Variants in FBXO22 observed in about 807,000 individuals in gnomAD.
The protein encoded by FBXO22 is F-box protein 22, also known as F-box only protein 22.
In FBXO22, 13 loss-of-function variants were observed where a neutral mutation model predicts 37.2. The observed-to-expected ratio is 0.35, with a 90% CI of 0.23 to 0.56. The LOEUF (loss-of-function observed/expected upper bound fraction) is 0.56. FBXO22 is among the 20% of genes least tolerant of loss of function. The pLI is 0.87. For missense variants in FBXO22, 446 were observed against 509.9 expected, an observed-to-expected ratio of 0.87 and a Z score of 1.21; for synonymous variants, 189 against 189.1, an observed-to-expected ratio of 1.00 and a Z score of 0.00.
chr15:75,930,363 C>G (rs954169648), intron 6 of FBXO22: 3 of 1,236,080 alleles, frequency 2.4e-6, no homozygotes, highest in Non-Finnish European at 3.1e-6. Context: ...CACCTCCTTT[C>G]TAGTTTCCTC....
intron 4 of FBXO22, among the ~76,000 whole-genome samples, chr15:75,914,550 G>A (rs1422009588): frequency 6.6e-6 from 1 of 152,032 alleles, no homozygotes; most frequent in Non-Finnish European, 1.5e-5. Flanking sequence ...GATGGGGCTG[G>A]GATTAGGAGC....
rs1234315221 is a variant in FBXO22 at position 75,938,131 on chromosome 15, C to T, written c.*5029C>T. ...CTGGGACAAAGCTGATTTGTAAAATCTAGGATTGCTCCTAGCATTCAAGGG... is the reference window on the plus strand; with the variant it reads ...CTGGGACAAAGCTGATTTGTAAAATTTAGGATTGCTCCTAGCATTCAAGGG... On this transcript the variant is annotated 3_prime_UTR_variant, in exon 7 of 7. Transcript: ENST00000308275. 1 of 152,150 alleles carries T rather than the reference C, an allele frequency of 6.6e-6. No homozygotes were observed. The highest frequency in any genetic ancestry group is 6.5e-5 in the Admixed American group (1 of 15,284). The allele number at this position is 152,150 out of a possible 1,614,324, so 9.4% of individuals were successfully genotyped here. A position where few individuals can be genotyped will look rare whatever the true frequency, so the allele number is the denominator to read the frequency against.
At chr15:75,920,879 T>C (rs1220364530) in intron 5 of FBXO22, among the ~76,000 whole-genome samples, 1 of 152,172 alleles carries the variant, frequency 6.6e-6, no homozygotes, top group African/African-American at 2.4e-5. Flanking sequence ...CATAACTGGA[T>C]GTAGATTCTG....
At position 75,940,891 on chromosome 15, in the gene FBXO22, G is replaced by A. The variant is rs1349180465; in HGVS notation, c.*7789G>A. 6.6e-6 allele frequency: 1 copy of A among 152,038 alleles called. No individual in the cohort carries two copies. The highest frequency in any genetic ancestry group is 1.5e-5 in the Non-Finnish European group (1 of 67,982). 9.4% of individuals were successfully genotyped at this position (152,038 alleles called of 1,614,324 possible). A position where few individuals can be genotyped will look rare whatever the true frequency, so the allele number is the denominator to read the frequency against. ...ATAAAACTCTTAGGATGTGGCAGTG[G>A]TTTCTTGGATATGACACCAAATTCA... is the stretch of plus-strand genomic sequence containing the variant. On this transcript the variant is annotated 3_prime_UTR_variant, in exon 7 of 7. Transcript: ENST00000308275.
intron 3 of FBXO22, 48 bp downstream of exon 3, chr15:75,913,338 C>T (rs1203719111): frequency 3.8e-6 from 5 of 1,322,612 alleles, no homozygotes; most frequent in Non-Finnish European, 4.3e-6. Flanking sequence ...TATCATGTGC[C>T]TTCCGTTCGG....
chr15:75,913,341 C>T (rs1490413130), intron 3 of FBXO22, 51 bp downstream of exon 3: 2 of 1,266,526 alleles, frequency 1.6e-6, no homozygotes, highest in Non-Finnish European at 2.3e-6. Flanking sequence ...CATGTGCCTT[C>T]CGTTCGGAGT....
At chr15:75,917,146 C>T (rs2141712824) in intron 4 of FBXO22, 84 bp from the exon 5 acceptor site, 93 of 965,346 alleles carry the variant, frequency 9.6e-5, no homozygotes, top group Admixed American at 3.3e-4. Flanking sequence ...GGCTTGTTAG[C>T]TTAATGATTA....
Position 75,940,455 on chromosome 15 carries a change from T to G in FBXO22, c.*7353T>G. Reference sequence around the variant, plus strand: ...ACAGTCTCTATCAGAATCCTAGGATTTTTTTTTTTTTTTTTGCAGAAATAG... The same window carrying G: ...ACAGTCTCTATCAGAATCCTAGGATGTTTTTTTTTTTTTTTGCAGAAATAG... On this transcript the variant is annotated 3_prime_UTR_variant, in exon 7 of 7. Coordinates refer to ENST00000308275, the MANE Select transcript of FBXO22 (RefSeq NM_147188.3). 3.4e-5 allele frequency: 3 copies of G among 88,274 alleles called. No individual in the cohort carries two copies. In the East Asian group the frequency reaches 9.4e-4, roughly 28 times the overall value. 5.5% of individuals were successfully genotyped at this position (88,274 alleles called of 1,614,324 possible).
intron 5 of FBXO22, among the ~76,000 whole-genome samples, chr15:75,926,326 G>A (rs1208222520): frequency 6.6e-6 from 1 of 152,144 alleles, no homozygotes; most frequent in East Asian, 1.9e-4. Flanking sequence ...TTTGAATTTT[G>A]AGTGTCAAGG....
At chr15:75,926,677 G>C (rs753950544) in intron 5 of FBXO22, among the ~76,000 whole-genome samples, 1 of 152,152 alleles carries the variant, frequency 6.6e-6, no homozygotes, top group African/African-American at 2.4e-5. Context: ...AGTCACAAAC[G>C]AGTGGCTGTG....
rs1236008697 is a variant in FBXO22 at position 75,934,445 on chromosome 15, G to A, written c.*1343G>A. 6.6e-6 allele frequency: 1 copy of A among 152,172 alleles called. No homozygotes were observed. The highest frequency in any genetic ancestry group is 1.5e-5 in the Non-Finnish European group (1 of 68,032). The allele number at this position is 152,172 out of a possible 1,614,324, so 9.4% of individuals were successfully genotyped here. On this transcript the variant is annotated 3_prime_UTR_variant, in exon 7 of 7. Coordinates refer to ENST00000308275, the MANE Select transcript of FBXO22 (RefSeq NM_147188.3). ...TAATGTTACTTTTGTAACAGTCAGT[G>A]GTTTGTTCTAACAGGACAGTAGAAC...
At chr15:75,911,359 T>A (rs573386040) in intron 2 of FBXO22, among the ~76,000 whole-genome samples, 5 of 152,322 alleles carry the variant, frequency 3.3e-5, no homozygotes, top group Admixed American at 6.5e-5. Flanking sequence ...TTGGGCAATA[T>A]GGGCATTTTC....
In FBXO22 at chr15:75,904,029, G is replaced by A; in HGVS notation, c.66G>A (p.Val22=). ...GSSVDPRSTF[V]LSNLAEVVER... ...CCGTAGACCCGCGGAGCACCTTCGT[G>A]TTGAGTAACCTGGCGGAGGTGGTGG... The change falls in exon 1 of 7, where the codon GTG becomes GTA. Residue 22 remains valine (V), a synonymous_variant. Transcript: ENST00000308275. 1 of 1,574,720 alleles carries A rather than the reference G, an allele frequency of 6.4e-7. No homozygotes were observed.
At chr15:75,904,351 T>G in intron 1 of FBXO22, 140 bp from the exon 2 acceptor site, 1 of 1,305,878 alleles carries the variant, frequency 7.7e-7, no homozygotes, top group Non-Finnish European at 1.1e-6. Flanking sequence ...ACTAGCGCCC[T>G]GACTGACACC....
At chr15:75,922,510 T>C (rs187233518) in intron 5 of FBXO22, among the ~76,000 whole-genome samples, 82 of 152,268 alleles carry the variant, frequency 5.4e-4, no homozygotes, top group African/African-American at 7.0e-4. Flanking sequence ...TGAAGGAACA[T>C]AGAAACACAG....
chr15:75,904,447 A>C (rs200646126), intron 1 of FBXO22, 44 bp from the exon 2 acceptor site: 6 of 1,612,576 alleles, frequency 3.7e-6, no homozygotes, highest in Non-Finnish European at 4.2e-6. Flanking sequence ...GGAGAGACGA[A>C]AATGAACGTC....
At chr15:75,930,791 A>G in intron 6 of FBXO22, 1 of 985,490 alleles carries the variant, frequency 1.0e-6, no homozygotes, top group Non-Finnish European at 1.2e-6. Context: ...CAATGCTTGT[A>G]AACACTACTA....
chr15:75,928,100 CAG>C (rs2029879817), intron 5 of FBXO22, among the ~76,000 whole-genome samples: 1 of 151,990 alleles, frequency 6.6e-6, no homozygotes, highest in Admixed American at 6.6e-5. Context: ...CAAAAAATAA[CAG>C]ATGCTGGCAA....
chr15:75,929,890 T>C lies in FBXO22; in HGVS notation c.635T>C (p.Leu212Ser). 6.2e-7 allele frequency: 1 copy of C among 1,614,076 alleles called. No homozygotes were observed. The highest frequency in any genetic ancestry group is 8.5e-7 in the Non-Finnish European group (1 of 1,179,942). Residue 212 changes from leucine to serine, a missense_variant, in exon 6 of 7, where the codon TTA becomes TCA. Physicochemically the swap from Leu to Ser is moderately radical, Grantham distance 145 (BLOSUM62 -2). Coordinates refer to ENST00000308275, the MANE Select transcript of FBXO22 (RefSeq NM_147188.3). ...GCTCTTCATTTCTCTGCAGGTCTTTTAGATAACCCTGAACTTCGTGTGGTC... is the reference window on the plus strand; with the variant it reads ...GCTCTTCATTTCTCTGCAGGTCTTTCAGATAACCCTGAACTTCGTGTGGTC... ...ERHQLTEVGL[L>S]DNPELRVVLV...
Sources: gnomAD v4.1 joint callset for allele counts (sites outside exome capture counted in the v4.1 genomes callset) on GRCh38, gnomAD v4.1.1 for gene constraint, MANE v1.5 for transcripts, NCBI Gene and HGNC (gene_info 2026-07-23, HGNC 2026-07-21) for gene names.